The following MTM1 variants were observed in gnomAD, a reference collection of about 807,000 sequenced individuals.
MTM1 encodes myotubularin.
Under a neutral mutation model 52.1 loss-of-function variants are expected in MTM1, and 9 were observed. That is an observed-to-expected ratio of 0.17 (90% CI 0.10 to 0.30). The LOEUF (loss-of-function observed/expected upper bound fraction) is 0.30. Among genes scored for constraint, MTM1 ranks in the 10% least tolerant of loss-of-function variants. MTM1 has a pLI of 1.00. For synonymous variants in MTM1, 136 were observed against 163.8 expected (o/e 0.83, Z 1.29); for missense variants, 277 against 470.7 (o/e 0.59, Z 3.81).
At chrX:150,585,990 A>C (rs1408077672) in intron 1 of MTM1, among the ~76,000 whole-genome samples, 1 of 111,967 alleles carries the variant, frequency 8.9e-6, no homozygotes, top group Non-Finnish European at 1.9e-5. Flanking sequence ...ATCACTAGCC[A>C]CTGGAAAAAA....
At chrX:150,664,482 T>C (rs925135309) in intron 14 of MTM1, among the ~76,000 whole-genome samples, 1 of 112,691 alleles carries the variant, frequency 8.9e-6, no homozygotes, top group Admixed American at 9.4e-5. Flanking sequence ...ACCTCCTCAC[T>C]GGAGAAGTGC....
At chrX:150,631,759 A>G (rs1473829293) in intron 6 of MTM1, among the ~76,000 whole-genome samples, 2 of 108,430 alleles carry the variant, frequency 1.8e-5, no homozygotes, top group African/African-American at 6.7e-5. Flanking sequence ...TAAGTATTTC[A>G]TCTATTTGGA....
chrX:150,647,785 G>A lies in MTM1; in HGVS notation c.867+1914G>A, dbSNP rs150843130. On this transcript the variant is annotated intron_variant, in intron 9 of 14. Coordinates refer to ENST00000370396, the MANE Select transcript of MTM1 (RefSeq NM_000252.3). ...ACATCCCCAGATGCAACAAGCAACG[G>A]CACATCATTTTAAATTAAACAAAAT... is the stretch of plus-strand genomic sequence containing the variant. 2.3e-3 allele frequency among the ~76,000 whole-genome samples: 262 copies of A among 111,852 alleles called. 1 individual carries two copies. The highest frequency in any genetic ancestry group is 8.3e-3 in the African/African-American group (255 of 30,830).
At chrX:150,599,451 A>G (rs986664314) in intron 4 of MTM1, among the ~76,000 whole-genome samples, 2 of 111,822 alleles carry the variant, frequency 1.8e-5, no homozygotes, top group Non-Finnish European at 3.8e-5. Flanking sequence ...ATATTTTGAT[A>G]GGATGTGAAT....
At chrX:150,644,117 A>G (rs1024302157) in intron 8 of MTM1, among the ~76,000 whole-genome samples, 40 of 111,419 alleles carry the variant, frequency 3.6e-4, no homozygotes, top group African/African-American at 1.2e-3. Flanking sequence ...AATAATTTTT[A>G]TTTTTAATAA....
intron 3 of MTM1, among the ~76,000 whole-genome samples, chrX:150,598,187 A>G (rs2039011032): frequency 8.9e-6 from 1 of 112,824 alleles, no homozygotes; most frequent in Non-Finnish European, 1.9e-5. Flanking sequence ...TGGTAGCCTC[A>G]TCTCTCAGTC....
At position 150,586,157 on chromosome X, in the gene MTM1, A is replaced by G. The variant is rs1329409780; in HGVS notation, c.-10-6448A>G. Among the ~76,000 whole-genome samples the G allele has an allele frequency of 2.7e-5, 3 of 112,372 alleles. No individual in the cohort carries two copies. In the Admixed American group the frequency reaches 2.8e-4, roughly 11 times the overall value. ...AGAGTGAGATTTTAAATGAAATACT[A>G]TATAGCATCATATAATTTTCAAAGA... On this transcript the variant is annotated intron_variant, in intron 1 of 14. Transcript: ENST00000370396.
chrX:150,639,897 A>C (rs782423651), intron 7 of MTM1, among the ~76,000 whole-genome samples: 10 of 112,492 alleles, frequency 8.9e-5, no homozygotes, highest in African/African-American at 3.2e-4. Context: ...TCTAGTCACC[A>C]CCTTCACCAT....
intron 1 of MTM1, among the ~76,000 whole-genome samples, chrX:150,580,355 C>G (rs1481194628): frequency 8.9e-6 from 1 of 112,039 alleles, no homozygotes; most frequent in African/African-American, 3.2e-5. Flanking sequence ...GAATTTCCAT[C>G]TGGATCTTGG....
At chrX:150,568,929 G>C (rs2038310778) in intron 1 of MTM1, among the ~76,000 whole-genome samples, 1 of 113,455 alleles carries the variant, frequency 8.8e-6, no homozygotes, top group South Asian at 3.5e-4. Context: ...GGCGAAGGTC[G>C]GGACGGGGGT....
intron 1 of MTM1, among the ~76,000 whole-genome samples, chrX:150,572,676 C>T (rs782329505): frequency 1.8e-5 from 2 of 112,260 alleles, no homozygotes; most frequent in East Asian, 5.6e-4. Context: ...CTTTTCCAAT[C>T]GAGACCTGAC....
intron 5 of MTM1, among the ~76,000 whole-genome samples, chrX:150,616,514 T>C (rs1241532453): frequency 8.9e-6 from 1 of 112,012 alleles, no homozygotes; most frequent in African/African-American, 3.2e-5. Context: ...AATTTGGCTA[T>C]GCCAGCAATG....
At chrX:150,565,993 TACACACACACACAC>T (rs782745793), upstream of MTM1, among the ~76,000 whole-genome samples, 53 of 88,453 alleles carry the variant, frequency 6.0e-4, 1 homozygote, top group Admixed American at 5.2e-3. Context: ...TGAAGATTCC[TACACACACACACAC>T]ACACACACAC....
upstream of MTM1, among the ~76,000 whole-genome samples, chrX:150,566,090 G>A (rs1196626542): frequency 1.8e-5 from 2 of 110,429 alleles, no homozygotes; most frequent in African/African-American, 3.3e-5. Context: ...AGAATACAGC[G>A]ATGTCACCAA....
At chrX:150,637,798 G>A (rs954619550) in intron 6 of MTM1, among the ~76,000 whole-genome samples, 3 of 112,402 alleles carry the variant, frequency 2.7e-5, no homozygotes, top group African/African-American at 9.7e-5. Flanking sequence ...TTTAGGGAGT[G>A]GCACAGGAGG....
In MTM1 at chrX:150,596,348, G is replaced by T; in HGVS notation, c.64-150G>T. On this transcript the variant is annotated intron_variant, in intron 2 of 14. Coordinates refer to ENST00000370396, the MANE Select transcript of MTM1 (RefSeq NM_000252.3). Reference sequence around the variant, plus strand: ...GTTGGTGCCAGATTGTAACTTTTTTGTTTGAATTTTTGTGCCAGTTTTCCC... The same window carrying T: ...GTTGGTGCCAGATTGTAACTTTTTTTTTTGAATTTTTGTGCCAGTTTTCCC... 9 of 467,913 alleles carry T rather than the reference G, an allele frequency of 1.9e-5. No individual in the cohort carries two copies. In the Admixed American group the frequency reaches 2.2e-4, roughly 12 times the overall value. The allele number at this position is 467,913 out of a possible 1,213,427, so 38.6% of individuals were successfully genotyped here.
intron 14 of MTM1, among the ~76,000 whole-genome samples, chrX:150,667,747 T>A (rs1483999772): frequency 8.9e-6 from 1 of 112,009 alleles, no homozygotes; most frequent in African/African-American, 3.2e-5. Flanking sequence ...GCTTCTGCAA[T>A]CCTATGGGCC....
intron 1 of MTM1, among the ~76,000 whole-genome samples, chrX:150,574,192 ACT>A (rs2038428843): frequency 9.0e-6 from 1 of 111,316 alleles, no homozygotes; most frequent in Non-Finnish European, 1.9e-5. Context: ...GCTGAGTCTA[ACT>A]CTGCTGGACA....
At chrX:150,586,978 T>C (rs891899199) in intron 1 of MTM1, among the ~76,000 whole-genome samples, 9 of 109,671 alleles carry the variant, frequency 8.2e-5, no homozygotes, top group African/African-American at 3.0e-4. Flanking sequence ...TTGAGCATCT[T>C]TGTTATGCCA....
Sources: allele counts gnomAD v4.1 joint callset (sites outside exome capture counted in the v4.1 genomes callset), GRCh38; gene constraint gnomAD v4.1.1; transcripts MANE v1.5; gene names NCBI Gene and HGNC (gene_info 2026-07-23, HGNC 2026-07-21).